The following LTBP4 variants were observed in gnomAD, a reference collection of about 807,000 sequenced individuals.
LTBP4 encodes the protein latent transforming growth factor beta binding protein 4, also known as latent-transforming growth factor beta-binding protein 4.
In LTBP4, 93 loss-of-function variants were observed where a neutral mutation model predicts 180.2. The observed-to-expected ratio is 0.52, with a 90% CI of 0.44 to 0.61. LTBP4 has a LOEUF of 0.61. Ranked by LOEUF, LTBP4 falls within the 20% of genes least tolerant of loss-of-function variation. The probability of loss-of-function intolerance (pLI) is 0.00; values close to 1 mark genes in which losing one functional copy is unlikely to be tolerated. For missense variants in LTBP4, 2,116 were observed against 2,256.5 expected (o/e 0.94, Z 1.26); for synonymous variants, 947 against 934.5 (o/e 1.01, Z -0.24).
In LTBP4 at chr19:40,629,624, T is replaced by C; in HGVS notation, c.*74T>C. The C allele has an allele frequency of 1.5e-6, 2 of 1,302,042 alleles. No individual in the cohort carries two copies. The highest frequency in any genetic ancestry group is 3.4e-5 in the East Asian group (1 of 29,582). The allele number at this position is 1,302,042 out of a possible 1,614,324, so 80.7% of individuals were successfully genotyped here. A position where few individuals can be genotyped will look rare whatever the true frequency, so the allele number is the denominator to read the frequency against. ...TGCCGCGCATCCTGCAGCCCGCTTA[T>C]GCGTATGTGCACGGGGCCGCCCGCC... On this transcript the variant is annotated 3_prime_UTR_variant, in exon 30 of 30. Coordinates refer to ENST00000396819, the MANE Select transcript of LTBP4 (RefSeq NM_001042545.2). The surrounding 1 kb of genome is among the most constrained non-coding windows in gnomAD (Gnocchi z 4.5).
rs371889011 is a variant in LTBP4, at chr19:40,593,927, G to A, written c.16+746G>A. Among the ~76,000 whole-genome samples, 12 of 152,140 alleles carry A rather than the reference G, an allele frequency of 7.9e-5. No individual in the cohort carries two copies. In the East Asian group the frequency reaches 9.7e-4, roughly 12 times the overall value. ...TCCCACCTTAGCCTCTTGAGTAGCCGGGATTACAGGCGTGCGCCACCATGC... is the reference window on the plus strand; with the variant it reads ...TCCCACCTTAGCCTCTTGAGTAGCCAGGATTACAGGCGTGCGCCACCATGC... On this transcript the variant is annotated intron_variant, in intron 1 of 32. Transcript: ENST00000204005.
intron 11 of LTBP4, 167 bp from the exon 12 acceptor site, chr19:40,610,365 A>C: frequency 1.3e-6 from 1 of 746,258 alleles, no homozygotes; most frequent in Non-Finnish European, 2.1e-6. Flanking sequence ...CCTGCCCTCC[A>C]CAATTGCCTC....
rs371510672 is a variant in LTBP4 at position 40,617,107 on chromosome 19, C to T, written c.2952C>T (p.Asp984=). The change falls in exon 21 of 30, where the codon GAC becomes GAT. Residue 984 remains aspartate, a synonymous_variant. Coordinates refer to ENST00000396819, the MANE Select transcript of LTBP4 (RefSeq NM_001042545.2). ...PTPGGGCQDV[D]ECRNRSFCGA... ...ACTGTCTGGTGGTTGCAGATGTGGA[C>T]GAATGCCGGAACCGGTCCTTCTGCG... The T allele has an allele frequency of 1.6e-5, 26 of 1,613,870 alleles. No homozygotes were observed. The highest frequency in any genetic ancestry group is 1.3e-4 in the Admixed American group (8 of 59,988).
Position 40,629,511 on chromosome 19 carries a change from C to G in LTBP4, c.4635C>G (p.His1545Gln), listed in dbSNP as rs770220088. 1.4e-5 allele frequency: 23 copies of G among 1,596,234 alleles called. No homozygotes were observed. The highest frequency in any genetic ancestry group is 2.0e-5 in the Non-Finnish European group (23 of 1,169,460). ...CICRPGFAPTHQPHHCAPARP... is the reference protein window; with the variant it reads ...CICRPGFAPTQQPHHCAPARP... ...GCCGCCCGGGATTCGCACCCACGCA[C>G]CAGCCGCACCACTGTGCGCCCGCAC... is the stretch of plus-strand genomic sequence containing the variant. Residue 1545 changes from histidine (H) to glutamine (Q), a missense_variant, in exon 30 of 30, where the codon CAC becomes CAG. Transcript: ENST00000396819. This position sits in a 1 kb window ranked among gnomAD's most constrained non-coding sequence, Gnocchi z 4.5.
chr19:40,605,049 A>T lies in LTBP4; in HGVS notation c.265A>T (p.Ile89Phe). Reference protein sequence around the residue: ...PGFRAFLCPLICHNGGVCVKP... With the variant: ...PGFRAFLCPLFCHNGGVCVKP... ...TCTCCTCCCAGTCCTGTGTCCCTTG[A>T]TCTGTCACAATGGCGGTGTGTGCGT... Residue 89 changes from isoleucine to phenylalanine, a missense_variant, in exon 2 of 30, where the codon ATC (isoleucine) becomes TTC (phenylalanine). By Grantham distance (21) the Ile-to-Phe change is conservative (BLOSUM62 0). Transcript: ENST00000396819. The surrounding 1 kb of genome is among the most constrained non-coding windows in gnomAD (Gnocchi z 5.5). The T allele has an allele frequency of 6.2e-7, 1 of 1,613,136 alleles. No homozygotes were observed. The highest frequency in any genetic ancestry group is 8.5e-7 in the Non-Finnish European group (1 of 1,179,456).
chr19:40,596,861 C>T (rs542969609), upstream of LTBP4, among the ~76,000 whole-genome samples: 2 of 152,228 alleles, frequency 1.3e-5, no homozygotes, highest in South Asian at 2.1e-4. Context: ...TGGAGTCCAG[C>T]TTAGGGGACC....
rs1029370297 is a variant in LTBP4, at chr19:40,616,326, C to A, written c.2813-563C>A. On this transcript the variant is annotated intron_variant, in intron 19 of 29. Coordinates refer to ENST00000396819, the MANE Select transcript of LTBP4 (RefSeq NM_001042545.2). ...GAAAAAAAAGCTGGATGGGGTGGCT[C>A]ATGCCTATAATCCCAGCACTTTGGA... is the stretch of plus-strand genomic sequence containing the variant. Among the ~76,000 whole-genome samples the A allele has an allele frequency of 2.6e-3, 384 of 145,632 alleles. 3 individuals are homozygous for A. The highest frequency in any genetic ancestry group is 9.5e-3 in the African/African-American group (362 of 38,280).
intron 6 of LTBP4, 121 bp downstream of exon 6, chr19:40,606,647 CT>C: frequency 8.1e-7 from 1 of 1,240,268 alleles, no homozygotes; most frequent in Non-Finnish European, 1.1e-6. Context: ...CTCTGTCAGC[CT>C]TAGAGCCCCC....
intron 19 of LTBP4, among the ~76,000 whole-genome samples, chr19:40,614,675 G>T (rs2081534152): frequency 6.6e-6 from 1 of 152,172 alleles, no homozygotes; most frequent in Non-Finnish European, 1.5e-5. Flanking sequence ...CCCCTCTGCA[G>T]CTGAAGCCCG....
In LTBP4 at chr19:40,619,334, C is replaced by A. The variant is rs376512237; in HGVS notation, c.3071-13C>A. Reference sequence around the variant, plus strand: ...CCACTGAGTCCCTCTCCCCTGTTGTCTCCTGCTTACAGATGTGAACGAGTG... The same window carrying A: ...CCACTGAGTCCCTCTCCCCTGTTGTATCCTGCTTACAGATGTGAACGAGTG... On this transcript the variant is annotated splice_polypyrimidine_tract_variant and intron_variant, in intron 21 of 29. Coordinates refer to ENST00000396819, the MANE Select transcript of LTBP4 (RefSeq NM_001042545.2). 10 of 1,612,020 alleles carry A rather than the reference C, an allele frequency of 6.2e-6. No individual in the cohort carries two copies. The highest frequency in any genetic ancestry group is 7.6e-6 in the Non-Finnish European group (9 of 1,178,546).
upstream of LTBP4, among the ~76,000 whole-genome samples, chr19:40,598,022 G>A (rs890187905): frequency 6.6e-6 from 1 of 152,156 alleles, no homozygotes; most frequent in African/African-American, 2.4e-5. Flanking sequence ...ATTTCACCGC[G>A]AGAGATCCAG....
rs376792458 is a variant in LTBP4 at position 40,627,797 on chromosome 19, G to C, written c.4459G>C (p.Gly1487Arg). 2 of 1,569,674 alleles carry C rather than the reference G, an allele frequency of 1.3e-6. No homozygotes were observed. The highest frequency in any genetic ancestry group is 2.7e-5 in the African/African-American group (2 of 74,070). The change falls in exon 29 of 30, where the codon GGC (glycine) becomes CGC (arginine). Residue 1487 changes from glycine (G) to arginine (R), a missense_variant. Gly to Arg is a moderately radical substitution (Grantham distance 125). Transcript: ENST00000396819. Reference protein sequence around the residue: ...TNGRCVRVPEGFTCRCFDGYR... With the variant: ...TNGRCVRVPERFTCRCFDGYR... ...CGGCCGCTGCGTGCGCGTCCCCGAA[G>C]GCTTCACCTGCCGTTGCTTCGACGG... is the stretch of plus-strand genomic sequence containing the variant.
Position 40,627,595 on chromosome 19 carries a change from G to C in LTBP4, c.4367-110G>C, listed in dbSNP as rs2081645113. 23 of 1,432,828 alleles carry C rather than the reference G, an allele frequency of 1.6e-5. No individual in the cohort carries two copies. The South Asian group carries it at 3.0e-4, about 19-fold the overall frequency. The allele number at this position is 1,432,828 out of a possible 1,614,324, so 88.8% of individuals were successfully genotyped here. A position where few individuals can be genotyped will look rare whatever the true frequency, so the allele number is the denominator to read the frequency against. The stretch of plus-strand genomic sequence containing the variant: ...CAGCACCCGCCACAGCCCTGGAGCG[G>C]GATGGACAGTTTACAGCGAGAAAGA... On this transcript the variant is annotated intron_variant, in intron 28 of 29. Transcript: ENST00000396819.
In LTBP4 at chr19:40,601,765, G is replaced by A. The variant is rs1599858595; in HGVS notation, c.250+128G>A. 5 of 781,862 alleles carry A rather than the reference G, an allele frequency of 6.4e-6. No individual in the cohort carries two copies. In the South Asian group the frequency reaches 1.9e-4, roughly 29 times the overall value. The allele number at this position is 781,862 out of a possible 1,614,324, so 48.4% of individuals were successfully genotyped here. On this transcript the variant is annotated intron_variant, in intron 1 of 29. Coordinates refer to ENST00000396819, the MANE Select transcript of LTBP4 (RefSeq NM_001042545.2). ...ATGCAATAGTGCAAGGGAATATCAG[G>A]GGCTATTTGAGGAAGGGGGCCCCAA... is the stretch of plus-strand genomic sequence containing the variant.
At chr19:40,614,290 C>T (rs570257178) in intron 18 of LTBP4, 25 bp from the exon 19 acceptor site, 1 of 1,590,038 alleles carries the variant, frequency 6.3e-7, no homozygotes, top group East Asian at 2.2e-5. Context: ...CTTCCCACAT[C>T]CGACCACCCG....
rs1368224372 is a variant in LTBP4 at position 40,617,086 on chromosome 19, T to A, written c.2945-14T>A. ...AGAAGGTCCAGAAATGGCCTGACTG[T>A]CTGGTGGTTGCAGATGTGGACGAAT... On this transcript the variant is annotated splice_polypyrimidine_tract_variant and intron_variant, in intron 20 of 29. Coordinates refer to ENST00000396819, the MANE Select transcript of LTBP4 (RefSeq NM_001042545.2). 6.2e-7 allele frequency: 1 copy of A among 1,613,934 alleles called. No homozygotes were observed. The highest frequency in any genetic ancestry group is 1.7e-5 in the Admixed American group (1 of 60,012).
rs1203386552 is a variant in LTBP4 at position 40,609,872 on chromosome 19, G to T, written c.1684+1G>T. 2 of 1,552,944 alleles carry T rather than the reference G, an allele frequency of 1.3e-6. No homozygotes were observed. Among genetic ancestry groups the T allele is most frequent in the South Asian group, 1.2e-5 (1 of 84,374 alleles). On this transcript the variant is annotated splice_donor_variant, in intron 11 of 29. Transcript: ENST00000396819. LOFTEE classifies it high-confidence loss of function. The surrounding 1 kb of genome is among the most constrained non-coding windows in gnomAD (Gnocchi z 4.9). ...GGCCCACGGGCTGCGGAATGCCTGG[G>T]TGAGAAATTTGCCCCACCCGGCTCC...
intron 22 of LTBP4, among the ~76,000 whole-genome samples, chr19:40,620,648 C>T (rs541060625): frequency 4.6e-5 from 7 of 151,068 alleles, no homozygotes; most frequent in Admixed American, 6.6e-5. Context: ...TAGTGGTGCA[C>T]GCCTGTAATC....
chr19:40,610,031 C>A, intron 11 of LTBP4, 160 bp downstream of exon 11: 1 of 1,009,038 alleles, frequency 9.9e-7, no homozygotes, highest in South Asian at 1.9e-5. Context: ...CCCGCCTCCA[C>A]CCAGCTCCAG....
Sources: gnomAD v4.1 joint callset for allele counts (sites outside exome capture counted in the v4.1 genomes callset) on GRCh38, gnomAD v4.1.1 for gene constraint, Gnocchi (gnomAD v3.1) non-coding constraint, MANE v1.5 for transcripts, NCBI Gene and HGNC (gene_info 2026-07-23, HGNC 2026-07-21) for gene names.